ITSN2: variants seen among roughly 807,000 people sequenced by gnomAD.
ITSN2 encodes the protein intersectin-2.
ITSN2 carries 156 observed loss-of-function variants against 243.7 expected under a neutral mutation model. That is an observed-to-expected ratio of 0.64 (90% CI 0.56 to 0.73). ITSN2 has a LOEUF of 0.73. ITSN2 is among the 30% of genes least tolerant of loss of function. The pLI is 0.00. For missense variants in ITSN2, 1,801 were observed against 1,996.1 expected (o/e 0.90, Z 1.86); for synonymous variants, 703 against 699.9 (o/e 1.00, Z -0.07).
intron 29 of ITSN2, among the ~76,000 whole-genome samples, chr2:24,228,655 A>G (rs1671280037): frequency 6.6e-6 from 1 of 152,348 alleles, no homozygotes; most frequent in East Asian, 1.9e-4. Flanking sequence ...AAGAACAGAC[A>G]TAGACTACAT....
At chr2:24,353,510 TGCAGTGAGCTGAGATG>T (rs1162417881) in intron 1 of ITSN2, among the ~76,000 whole-genome samples, 2 of 152,066 alleles carry the variant, frequency 1.3e-5, no homozygotes, top group Non-Finnish European at 2.9e-5. Context: ...AGAAGGAGGT[TGCAGTGAGCTGAGATG>T]GCAGTGAGCT....
chr2:24,338,127 A>C (rs1686660717), intron 1 of ITSN2, among the ~76,000 whole-genome samples: 1 of 152,212 alleles, frequency 6.6e-6, no homozygotes, highest in Non-Finnish European at 1.5e-5. Flanking sequence ...TAGTCTGATA[A>C]GAAGCATTTA....
At chr2:24,326,585 T>A (rs1006026564) in intron 2 of ITSN2, 2 of 168,818 alleles carry the variant, frequency 1.2e-5, no homozygotes, top group Non-Finnish European at 2.9e-5. Context: ...GGAAAAATTA[T>A]TTAATTATTA....
At chr2:24,294,462 A>G (rs1377250591) in intron 14 of ITSN2, among the ~76,000 whole-genome samples, 1 of 152,140 alleles carries the variant, frequency 6.6e-6, no homozygotes, top group Non-Finnish European at 1.5e-5. Context: ...TTTAAATCAG[A>G]CAGAAAATAT....
intron 1 of ITSN2, among the ~76,000 whole-genome samples, chr2:24,342,274 T>C (rs1195192546): frequency 1.3e-5 from 2 of 151,988 alleles, no homozygotes; most frequent in South Asian, 2.1e-4. Context: ...CACGGTGCAC[T>C]GCAGCCTCGA....
intron 17 of ITSN2, among the ~76,000 whole-genome samples, chr2:24,281,032 T>C (rs566208163): frequency 1.3e-5 from 2 of 152,318 alleles, no homozygotes; most frequent in South Asian, 4.1e-4. Flanking sequence ...AGGGTTTGTT[T>C]GTTTGTTTTT....
At chr2:24,341,936 A>G (rs1355107421) in intron 1 of ITSN2, among the ~76,000 whole-genome samples, 1 of 152,222 alleles carries the variant, frequency 6.6e-6, no homozygotes, top group Admixed American at 6.5e-5. Context: ...TGACAGAACA[A>G]AACTATTTTT....
chr2:24,359,302 A>G (rs1312915294), intron 1 of ITSN2, among the ~76,000 whole-genome samples: 4 of 152,224 alleles, frequency 2.6e-5, no homozygotes, highest in Non-Finnish European at 5.9e-5. Context: ...ACCTAAACTG[A>G]GCTCACTAAC....
intron 15 of ITSN2, among the ~76,000 whole-genome samples, chr2:24,287,070 A>C (rs770584221): frequency 6.6e-6 from 1 of 152,172 alleles, no homozygotes; most frequent in Non-Finnish European, 1.5e-5. Flanking sequence ...AAAAAATTAA[A>C]ACACCTCCAT....
At chr2:24,358,193 G>C (rs1371830904) in intron 1 of ITSN2, among the ~76,000 whole-genome samples, 4 of 152,214 alleles carry the variant, frequency 2.6e-5, no homozygotes, top group Non-Finnish European at 5.9e-5. Flanking sequence ...ACAGGCATGA[G>C]CCAGGGCACC....
intron 29 of ITSN2, among the ~76,000 whole-genome samples, chr2:24,236,868 AT>A (rs1030055579): frequency 8.8e-5 from 13 of 147,308 alleles, no homozygotes; most frequent in African/African-American, 1.0e-4. Context: ...TTTATTTTTT[AT>A]TTTTTTTTGT....
intron 1 of ITSN2, among the ~76,000 whole-genome samples, chr2:24,344,976 T>C (rs1219471291): frequency 6.6e-6 from 1 of 152,006 alleles, no homozygotes; most frequent in Non-Finnish European, 1.5e-5. Flanking sequence ...AAAGTAAAAA[T>C]AAACGGGTAA....
intron 2 of ITSN2, among the ~76,000 whole-genome samples, chr2:24,327,682 C>T (rs935302734): frequency 2.0e-5 from 3 of 152,136 alleles, no homozygotes; most frequent in Admixed American, 6.6e-5. Flanking sequence ...CATAATCTTA[C>T]ATAAATATTA....
intron 1 of ITSN2, among the ~76,000 whole-genome samples, chr2:24,345,316 T>C (rs572663665): frequency 6.6e-6 from 1 of 152,212 alleles, no homozygotes; most frequent in South Asian, 2.1e-4. Flanking sequence ...CTTCAAATAA[T>C]GTACAATTAT....
rs112130087 is a variant in ITSN2 at position 24,303,189 on chromosome 2, T to TAA, written c.857+608_857+609dup. ...CTTACAGAAAAAAAAAAGTTAACTG[T>TAA]AAGACAGCCTCAGGCAGGTCAGTCA... On this transcript the variant is annotated intron_variant, in intron 9 of 39. Transcript: ENST00000355123. 2.8e-3 allele frequency among the ~76,000 whole-genome samples: 430 copies of TAA among 152,302 alleles called. 3 individuals are homozygous for TAA. The highest frequency in any genetic ancestry group is 1.0e-2 in the African/African-American group (414 of 41,552).
At chr2:24,240,414 T>C (rs1252606448) in intron 29 of ITSN2, 1 of 152,198 alleles carries the variant, frequency 6.6e-6, no homozygotes, top group East Asian at 1.9e-4. Context: ...ATCATGAGGA[T>C]GCCAAATGCT....
intron 37 of ITSN2, among the ~76,000 whole-genome samples, chr2:24,206,437 C>G (rs1668884366): frequency 6.6e-6 from 1 of 151,198 alleles, no homozygotes; most frequent in Non-Finnish European, 1.5e-5. Context: ...GCTCAGAGCA[C>G]AGGCCCCCTG....
chr2:24,306,462 T>C (rs866510135), intron 8 of ITSN2, among the ~76,000 whole-genome samples: 2 of 152,228 alleles, frequency 1.3e-5, no homozygotes, highest in South Asian at 2.1e-4. Context: ...TTAAATGGTA[T>C]GGTCCTTTTG....
chr2:24,229,832 C>T (rs538404217), intron 29 of ITSN2, among the ~76,000 whole-genome samples: 3 of 152,252 alleles, frequency 2.0e-5, no homozygotes, highest in East Asian at 1.9e-4. Flanking sequence ...CTTTTTCACT[C>T]GTCTTCCAGG....
Sources: allele counts gnomAD v4.1 joint callset (sites outside exome capture counted in the v4.1 genomes callset), GRCh38; gene constraint gnomAD v4.1.1; transcripts MANE v1.5; gene names NCBI Gene and HGNC (gene_info 2026-07-23, HGNC 2026-07-21).